The following SOD2 variants were observed in gnomAD, a reference collection of about 807,000 sequenced individuals.
SOD2 encodes superoxide dismutase 2, also known as superoxide dismutase [Mn], mitochondrial.
A neutral mutation model predicts 27.0 loss-of-function variants in SOD2; 11 were observed. The ratio of observed to expected loss-of-function variants is 0.41; its 90% confidence interval spans 0.26 to 0.67. SOD2 has a LOEUF of 0.67. Among genes scored for constraint, SOD2 ranks in the 30% least tolerant of loss-of-function variants. The probability of loss-of-function intolerance (pLI) is 0.34; values close to 1 mark genes in which losing one functional copy is unlikely to be tolerated. For missense variants in SOD2, 250 were observed against 274.5 expected (o/e 0.91, Z 0.63); for synonymous variants, 105 against 103.0 (o/e 1.02, Z -0.12).
At chr6:159,705,660 CAG>C (rs1777612520) in intron 1 of SOD2, among the ~76,000 whole-genome samples, 1 of 151,962 alleles carries the variant, frequency 6.6e-6, no homozygotes, top group East Asian at 1.9e-4. Context: ...CTGAAAGTGA[CAG>C]GGAGAATGGA....
At chr6:159,710,996 T>A (rs1423300170) in intron 1 of SOD2, among the ~76,000 whole-genome samples, 18 of 80,316 alleles carry the variant, frequency 2.2e-4, no homozygotes, top group East Asian at 5.8e-4. Flanking sequence ...CCACTCACAC[T>A]GCTCTGACCT....
At chr6:159,715,164 G>A (rs906607279) in intron 1 of SOD2, among the ~76,000 whole-genome samples, 4 of 151,964 alleles carry the variant, frequency 2.6e-5, no homozygotes, top group African/African-American at 9.7e-5. Context: ...AGTTTGGATG[G>A]GAAGCAAAGA....
At chr6:159,727,140 AGCTCCGGGGCCCGC>A in exon 1 of SOD2, 1 of 1,193,200 alleles carries the variant, frequency 8.4e-7, no homozygotes, top group Non-Finnish European at 1.1e-6. Context: ...GAGCTTGCTG[AGCTCCGGGGCCCGC>A]GGAGCTCGCG....
chr6:159,757,220 A>G (rs1394306852), intron 1 of SOD2, among the ~76,000 whole-genome samples: 2 of 152,222 alleles, frequency 1.3e-5, no homozygotes, highest in Admixed American at 6.5e-5. Flanking sequence ...TTAAAAGCAA[A>G]GTATTGTTTT....
At chr6:159,761,611 C>T (rs1333218460) in exon 1 of SOD2, 1 of 456,178 alleles carries the variant, frequency 2.2e-6, no homozygotes, top group South Asian at 1.6e-5. Flanking sequence ...ACTCGAGATT[C>T]TCGCCCGTGG....
At chr6:159,726,952 AG>A (rs1236983410) in intron 1 of SOD2, 19 of 1,287,494 alleles carry the variant, frequency 1.5e-5, no homozygotes, top group Non-Finnish European at 1.8e-5. Flanking sequence ...ATCACGGATG[AG>A]CGTCACGAAC....
chr6:159,735,011 C>T (rs2114890519), intron 1 of SOD2, among the ~76,000 whole-genome samples: 1 of 152,148 alleles, frequency 6.6e-6, no homozygotes, highest in Middle Eastern at 3.4e-3. Context: ...ATTCATTAAC[C>T]TATCTTTGAA....
At chr6:159,683,955 A>G (rs1404857389) in intron 4 of SOD2, among the ~76,000 whole-genome samples, 2 of 152,210 alleles carry the variant, frequency 1.3e-5, no homozygotes, top group African/African-American at 4.8e-5. Flanking sequence ...TATCACTTTA[A>G]GTTCAAAGTC....
At chr6:159,701,521 C>T (rs549163214) in intron 1 of SOD2, among the ~76,000 whole-genome samples, 4 of 146,648 alleles carry the variant, frequency 2.7e-5, no homozygotes, top group Non-Finnish European at 5.9e-5. Context: ...CAGTGAGCCA[C>T]GATCATGCCA....
chr6:159,759,972 A>G (rs1427576391), intron 1 of SOD2, among the ~76,000 whole-genome samples: 2 of 152,250 alleles, frequency 1.3e-5, no homozygotes, highest in Non-Finnish European at 2.9e-5. Context: ...ACTGCCTATA[A>G]TGTGCTAGGA....
In SOD2 at chr6:159,672,601, A is replaced by G. The variant is rs957608678; in HGVS notation, c.*9892T>C. 8 of 152,226 alleles carry G rather than the reference A, an allele frequency of 5.3e-5. No individual in the cohort carries two copies. The highest frequency in any genetic ancestry group is 9.6e-5 in the African/African-American group (4 of 41,456). 9.4% of individuals were successfully genotyped at this position (152,226 alleles called of 1,614,324 possible). ...AGAGCTCCTGAAGGAAGCACTAAACATGGAATGGAACAACCAGTATCAGCC... is the reference window on the plus strand; with the variant it reads ...AGAGCTCCTGAAGGAAGCACTAAACGTGGAATGGAACAACCAGTATCAGCC... On this transcript the variant is annotated 3_prime_UTR_variant, in exon 5 of 5. Transcript: ENST00000538183.
chr6:159,754,475 C>CAT (rs1389782387), intron 1 of SOD2, among the ~76,000 whole-genome samples: 1 of 152,164 alleles, frequency 6.6e-6, no homozygotes, highest in Admixed American at 6.5e-5. Flanking sequence ...TGTAATCAGG[C>CAT]ATATGGCAAG....
chr6:159,739,105 C>A, intron 1 of SOD2: 1 of 1,327,562 alleles, frequency 7.5e-7, no homozygotes, highest in Non-Finnish European at 1.1e-6. Context: ...TGTGACTCTA[C>A]ACTGTAATTG....
intron 1 of SOD2, among the ~76,000 whole-genome samples, chr6:159,723,110 C>A (rs1445342332): frequency 1.3e-5 from 2 of 152,230 alleles, no homozygotes; most frequent in South Asian, 2.1e-4. Context: ...CCTCTGCATG[C>A]CTTTGAACCT....
chr6:159,741,759 G>A (rs1281475331), intron 1 of SOD2: 2 of 202,960 alleles, frequency 9.9e-6, no homozygotes, highest in Non-Finnish European at 2.0e-5. Context: ...AGGCCAGGGT[G>A]TGAGGATCAT....
intron 1 of SOD2, among the ~76,000 whole-genome samples, chr6:159,701,569 C>CA (rs752905908): frequency 0.081 from 6,339 of 77,784 alleles, 194 homozygotes; most frequent in Middle Eastern, 0.15. Flanking sequence ...GACCCTGTTT[C>CA]AAAAAAAAAA....
chr6:159,740,177 A>G (rs975777627), intron 1 of SOD2, among the ~76,000 whole-genome samples: 1 of 151,556 alleles, frequency 6.6e-6, no homozygotes, highest in Non-Finnish European at 1.5e-5. Context: ...CTGGCATTGT[A>G]TACTTTTTTT....
At chr6:159,739,705 CGGA>C (rs1779126929) in intron 1 of SOD2, among the ~76,000 whole-genome samples, 1 of 151,810 alleles carries the variant, frequency 6.6e-6, no homozygotes, top group African/African-American at 2.4e-5. Context: ...AGGCTGAAAG[CGGA>C]GGAGAGAAAA....
intron 1 of SOD2, among the ~76,000 whole-genome samples, chr6:159,702,487 G>T (rs146673716): frequency 3.3e-5 from 5 of 150,988 alleles, no homozygotes; most frequent in Non-Finnish European, 1.5e-5. Flanking sequence ...AGTAGATGGG[G>T]TTTCACCATG....
Sources: gnomAD v4.1 joint callset for allele counts (sites outside exome capture counted in the v4.1 genomes callset) on GRCh38, gnomAD v4.1.1 for gene constraint, MANE v1.5 for transcripts, NCBI Gene and HGNC (gene_info 2026-07-23, HGNC 2026-07-21) for gene names.